The following ARHGEF11 variants were observed in gnomAD, a reference collection of about 807,000 sequenced individuals.
The protein encoded by ARHGEF11 is Rho guanine exchange factor (GEF) 11.
Under a neutral mutation model 193.7 loss-of-function variants are expected in ARHGEF11, and 55 were observed. That is an observed-to-expected ratio of 0.28 (90% confidence interval 0.23 to 0.36). The LOEUF (loss-of-function observed/expected upper bound fraction) is 0.36, where lower values mean the gene tolerates loss of function less well. ARHGEF11 is among the 10% of genes least tolerant of loss of function. The probability of loss-of-function intolerance (pLI) is 1.00; values close to 1 mark genes in which losing one functional copy is unlikely to be tolerated. For missense variants in ARHGEF11, 1,723 were observed against 2,005.6 expected (o/e 0.86, Z 2.69); for synonymous variants, 693 against 768.0 (o/e 0.90, Z 1.62).
At chr1:157,008,728 A>G (rs373422343) in intron 1 of ARHGEF11, among the ~76,000 whole-genome samples, 1 of 152,154 alleles carries the variant, frequency 6.6e-6, no homozygotes, top group Admixed American at 6.5e-5. Context: ...TTATGTATCA[A>G]TGTAGGGGTG....
chr1:157,003,249 T>A (rs1667417045), intron 1 of ARHGEF11, among the ~76,000 whole-genome samples: 1 of 152,330 alleles, frequency 6.6e-6, no homozygotes, highest in South Asian at 2.1e-4. Context: ...AACCCAAGCA[T>A]TTTAACTTCA....
At chr1:156,961,832 C>T (rs1049343799) in intron 13 of ARHGEF11, 57 bp from the exon 14 acceptor site, 2 of 1,515,786 alleles carry the variant, frequency 1.3e-6, no homozygotes, top group East Asian at 4.5e-5. Flanking sequence ...GTGATTTTGC[C>T]CCCTAGGGGA....
intron 2 of ARHGEF11, 151 bp downstream of exon 2, chr1:156,985,931 A>G: frequency 1.6e-6 from 1 of 621,024 alleles, no homozygotes. Context: ...TTGATGCTGA[A>G]CTTAGTACAG....
intron 8 of ARHGEF11, 147 bp downstream of exon 8, chr1:156,971,550 G>A: frequency 9.3e-7 from 1 of 1,074,212 alleles, no homozygotes; most frequent in South Asian, 2.6e-5. Flanking sequence ...TGCTGACCTT[G>A]GTTTCTTTGT....
chr1:156,994,547 T>C (rs931375497), intron 1 of ARHGEF11, among the ~76,000 whole-genome samples: 2 of 152,164 alleles, frequency 1.3e-5, no homozygotes, highest in African/African-American at 4.8e-5. Context: ...TCTACTTTCA[T>C]GAAGGTCTTA....
chr1:156,959,913 A>C (rs1660541934), intron 15 of ARHGEF11, among the ~76,000 whole-genome samples: 1 of 142,804 alleles, frequency 7.0e-6, no homozygotes, highest in Non-Finnish European at 1.5e-5. Flanking sequence ...GAACTTATAA[A>C]AACAAAAATA....
At chr1:156,939,082 C>G (rs1237816324) in intron 37 of ARHGEF11, 1 of 213,082 alleles carries the variant, frequency 4.7e-6, no homozygotes, top group Non-Finnish European at 9.3e-6. Context: ...TCCTCCACCC[C>G]TTCCAGTCCC....
chr1:157,019,296 T>C (rs983277265), intron 1 of ARHGEF11, among the ~76,000 whole-genome samples: 3 of 152,164 alleles, frequency 2.0e-5, no homozygotes, highest in African/African-American at 7.2e-5. Context: ...ATAAAATTAT[T>C]ATTAGTCATC....
chr1:157,017,727 A>G (rs1418958401), intron 1 of ARHGEF11, among the ~76,000 whole-genome samples: 1 of 151,334 alleles, frequency 6.6e-6, no homozygotes, highest in Non-Finnish European at 1.5e-5. Context: ...AAAAAAAAAA[A>G]AAAAGAAACG....
upstream of ARHGEF11, among the ~76,000 whole-genome samples, chr1:157,045,745 C>T (rs1287984548): frequency 6.7e-6 from 1 of 150,144 alleles, no homozygotes; most frequent in African/African-American, 2.4e-5. Flanking sequence ...GTCCGACTGC[C>T]GGCGTCGCGG....
At chr1:157,009,280 G>T (rs143764242) in intron 1 of ARHGEF11, among the ~76,000 whole-genome samples, 2 of 152,066 alleles carry the variant, frequency 1.3e-5, no homozygotes, top group African/African-American at 4.8e-5. Context: ...AGAGATCTTT[G>T]TATTTATGAC....
rs185393732 is a variant in ARHGEF11 at position 157,031,014 on chromosome 1, C to T, written c.32+13285G>A. Among the ~76,000 whole-genome samples the T allele has an allele frequency of 7.3e-5, 11 of 150,068 alleles. No individual in the cohort carries two copies. The East Asian group carries it at 1.8e-3, about 24-fold the overall frequency. On this transcript the variant is annotated intron_variant, in intron 1 of 40. Transcript: ENST00000368194. ...AATCCCTCCTTTAATCCTGTCACAT[C>T]TTTCCTCCTGCCTCTCCCACAGCAG...
At chr1:156,944,460 TCA>T (rs1261609000) in intron 30 of ARHGEF11, 27 bp from the exon 31 acceptor site, 1 of 1,564,350 alleles carries the variant, frequency 6.4e-7, no homozygotes, top group Non-Finnish European at 8.8e-7. Context: ...ATTCATTCAT[TCA>T]TTCATTCATT....
chr1:156,966,860 C>G (rs1267829433), intron 11 of ARHGEF11, among the ~76,000 whole-genome samples: 1 of 152,156 alleles, frequency 6.6e-6, no homozygotes, highest in East Asian at 1.9e-4. Flanking sequence ...TAAATTTTAT[C>G]TCTACTTTTT....
chr1:156,972,685 A>C (rs115430165), intron 7 of ARHGEF11, among the ~76,000 whole-genome samples: 2 of 152,298 alleles, frequency 1.3e-5, no homozygotes, highest in African/African-American at 4.8e-5. Context: ...CATCTTCTCC[A>C]TGCCCATCAA....
chr1:156,984,433 G>A lies in ARHGEF11; in HGVS notation c.129C>T (p.Leu43=), dbSNP rs1175146758. 1 of 1,588,034 alleles carries A rather than the reference G, an allele frequency of 6.3e-7. No homozygotes were observed. Among genetic ancestry groups the A allele is most frequent in the Non-Finnish European group, 8.6e-7 (1 of 1,166,350 alleles). Residue 43 remains leucine, a synonymous_variant, in exon 3 of 41, where the codon CTC becomes CTT. Coordinates refer to ENST00000368194, the MANE Select transcript of ARHGEF11 (RefSeq NM_198236.3). ...QPSDASETTG[L]VQRCVIIQKD... is the part of the protein sequence containing the mutation. ...TTTGGATAATGACACAGCGTTGAAC[G>A]AGACCTGGAAGGCGGAGAGAAAGGT... is the stretch of plus-strand genomic sequence containing the variant.
rs36031299 is a variant in ARHGEF11 at position 156,979,361 on chromosome 1, C to CTTTTTT, written c.274-81_274-76dup. On this transcript the variant is annotated intron_variant, in intron 4 of 40. Transcript: ENST00000368194. ...ATCCTTCTGTAAGTTCAAAATGCCA[C>CTTTTTT]TTTTTTTTTTTTTTTTTTTTTTGAG... 4.6e-4 allele frequency: 234 copies of CTTTTTT among 506,936 alleles called. 1 individual carries two copies. Among genetic ancestry groups the CTTTTTT allele is most frequent in the Middle Eastern group, 1.7e-3 (3 of 1,724 alleles). 31.4% of individuals were successfully genotyped at this position (506,936 alleles called of 1,614,324 possible).
chr1:156,963,628 G>T, intron 11 of ARHGEF11, 34 bp from the exon 12 acceptor site: 2 of 1,605,130 alleles, frequency 1.2e-6, no homozygotes, highest in Non-Finnish European at 1.7e-6. Flanking sequence ...GAGATGAGAG[G>T]TTATAGAGGA....
intron 3 of ARHGEF11, among the ~76,000 whole-genome samples, chr1:156,981,275 T>C (rs1664139698): frequency 6.6e-6 from 1 of 151,982 alleles, no homozygotes; most frequent in South Asian, 2.1e-4. Flanking sequence ...ACTCCTGGGC[T>C]CAAGTGATCC....
Sources: gnomAD v4.1 joint callset for allele counts (sites outside exome capture counted in the v4.1 genomes callset) on GRCh38, gnomAD v4.1.1 for gene constraint, MANE v1.5 for transcripts, NCBI Gene and HGNC (gene_info 2026-07-23, HGNC 2026-07-21) for gene names.